ZNF589: variants seen among roughly 807,000 people sequenced by gnomAD.
The protein encoded by ZNF589 is KRAB-zinc finger protein SZF1-1.
In ZNF589, 17 loss-of-function variants were observed where a neutral mutation model predicts 13.6. That is an observed-to-expected ratio of 1.25 (90% confidence interval 0.86 to 1.88). ZNF589 has a LOEUF of 1.88. ZNF589 is among the 40% of genes most tolerant of loss of function. ZNF589 has a pLI of 0.00. For missense variants in ZNF589, 407 were observed against 434.0 expected (o/e 0.94, Z 0.55); for synonymous variants, 148 against 161.6 (o/e 0.92, Z 0.64).
chr3:48,255,333 G>A (rs1321421024), intron 2 of ZNF589, among the ~76,000 whole-genome samples: 1 of 151,468 alleles, frequency 6.6e-6, no homozygotes, highest in Non-Finnish European at 1.5e-5. Flanking sequence ...GCGCCACCAC[G>A]CCCAGCTAAT....
intron 2 of ZNF589, among the ~76,000 whole-genome samples, chr3:48,251,983 G>A (rs544070651): frequency 6.6e-6 from 1 of 151,776 alleles, no homozygotes; most frequent in African/African-American, 2.4e-5. Flanking sequence ...AGGCTGCAGT[G>A]AGCCATGTTC....
chr3:48,260,135 C>T (rs1280230068), intron 2 of ZNF589, among the ~76,000 whole-genome samples: 6 of 152,088 alleles, frequency 3.9e-5, no homozygotes, highest in African/African-American at 1.2e-4. Context: ...GATGAAAAAG[C>T]ATATGGTGTA....
Position 48,268,637 on chromosome 3 carries a change from A to C in ZNF589, c.946A>C (p.Lys316Gln), listed in dbSNP as rs776626921. 4.2e-5 allele frequency: 67 copies of C among 1,614,000 alleles called. No individual in the cohort carries two copies. Among genetic ancestry groups the C allele is most frequent in the Non-Finnish European group, 5.6e-5 (66 of 1,180,030 alleles). ...CSHCGRGFSC[K>Q]PYLIRHQRTH... ...CCATTGTGGGCGAGGCTTTAGCTGCAAGCCATACCTCATCAGACATCAGAG... is the reference window on the plus strand; with the variant it reads ...CCATTGTGGGCGAGGCTTTAGCTGCCAGCCATACCTCATCAGACATCAGAG... Residue 316 changes from lysine to glutamine, a missense_variant, in exon 4 of 4, where the codon AAG becomes CAG. Lys to Gln is a moderately conservative substitution (Grantham distance 53). Transcript: ENST00000354698.
intron 3 of ZNF589, among the ~76,000 whole-genome samples, chr3:48,263,262 A>G (rs2033985136): frequency 6.6e-6 from 1 of 152,050 alleles, no homozygotes; most frequent in South Asian, 2.1e-4. Flanking sequence ...GGCACGTGCC[A>G]CCACGCCCAG....
In ZNF589 at chr3:48,268,132, G is replaced by A. The variant is rs759622000; in HGVS notation, c.441G>A (p.Val147=). The change falls in exon 4 of 4, where the codon GTG becomes GTA. Residue 147 remains valine, a synonymous_variant. Transcript: ENST00000354698. ...HRGAEAEDQR[V]EGGVRPLFWS... is the part of the protein sequence containing the mutation. The stretch of plus-strand genomic sequence containing the variant: ...GGGCTGAAGCAGAAGATCAACGAGT[G>A]GAAGGAGGCGTCAGACCCTTGTTTT... 3.7e-6 allele frequency: 6 copies of A among 1,614,190 alleles called. No homozygotes were observed. Among genetic ancestry groups the A allele is most frequent in the East Asian group, 2.2e-5 (1 of 44,886 alleles).
intron 2 of ZNF589, chr3:48,257,107 C>T (rs1282614578): frequency 2.0e-5 from 9 of 444,176 alleles, no homozygotes; most frequent in African/African-American, 1.8e-4. Flanking sequence ...ATATATTGAT[C>T]TGTAGTTTTA....
Position 48,252,654 on chromosome 3 carries a change from C to T in ZNF589, c.96+4977C>T, listed in dbSNP as rs1424380072. ...TTTTTTTTTTTTTGAAACGGAGTCT[C>T]GCTGTCGCCCAGGCTGGAGTGCAGT... On this transcript the variant is annotated intron_variant, in intron 2 of 3. Transcript: ENST00000354698. Among the ~76,000 whole-genome samples the T allele has an allele frequency of 8.9e-5, 11 of 123,476 alleles. No homozygotes were observed. The South Asian group carries it at 1.0e-3, about 12-fold the overall frequency. The allele number at this position is 123,476 out of a possible 152,430, so 81.0% of individuals were successfully genotyped here.
At chr3:48,266,694 T>A (rs1039578258) in intron 3 of ZNF589, among the ~76,000 whole-genome samples, 2 of 152,200 alleles carry the variant, frequency 1.3e-5, no homozygotes, top group Non-Finnish European at 2.9e-5. Context: ...CATGATTAGA[T>A]TCAGATTATA....
chr3:48,253,476 A>G (rs1039391053), intron 2 of ZNF589, among the ~76,000 whole-genome samples: 3 of 151,084 alleles, frequency 2.0e-5, no homozygotes, highest in Non-Finnish European at 4.4e-5. Flanking sequence ...CACGTCTCCA[A>G]GGTAGTACTA....
rs1051423940 is a variant in ZNF589, at chr3:48,269,463, G to A, written c.*677G>A. Reference sequence around the variant, plus strand: ...CCTTATGTGTGTGGGGAATGTGGGCGGGGATTTGGCCGGAAGATACTCCTC... The same window carrying A: ...CCTTATGTGTGTGGGGAATGTGGGCAGGGATTTGGCCGGAAGATACTCCTC... On this transcript the variant is annotated 3_prime_UTR_variant, in exon 4 of 4. Transcript: ENST00000354698. 2 of 415,110 alleles carry A rather than the reference G, an allele frequency of 4.8e-6. No individual in the cohort carries two copies. The highest frequency in any genetic ancestry group is 3.5e-5 in the Admixed American group (1 of 28,524). The allele number at this position is 415,110 out of a possible 1,614,324, so 25.7% of individuals were successfully genotyped here.
intron 1 of ZNF589, among the ~76,000 whole-genome samples, chr3:48,246,306 A>G (rs1056101110): frequency 3.3e-5 from 5 of 152,000 alleles, no homozygotes; most frequent in Non-Finnish European, 4.4e-5. Context: ...CCCTATCTCA[A>G]TCAATCAATC....
intron 1 of ZNF589, among the ~76,000 whole-genome samples, chr3:48,245,745 G>A (rs1056798891): frequency 6.6e-6 from 1 of 152,186 alleles, no homozygotes; most frequent in Non-Finnish European, 1.5e-5. Context: ...TCAGGAGTTC[G>A]AGACCAGCCT....
At chr3:48,260,715 A>G (rs1345930747) in intron 2 of ZNF589, 98 bp from the exon 3 acceptor site, 1 of 1,566,848 alleles carries the variant, frequency 6.4e-7, no homozygotes, top group Non-Finnish European at 8.7e-7. Context: ...GGCCTAGATC[A>G]ATTTCTTATG....
intron 2 of ZNF589, among the ~76,000 whole-genome samples, chr3:48,249,956 C>T (rs1387322384): frequency 6.6e-6 from 1 of 152,028 alleles, no homozygotes; most frequent in Non-Finnish European, 1.5e-5. Context: ...GGTGAAAACC[C>T]ATCACTACTA....
Position 48,247,058 on chromosome 3 carries a change from C to T in ZNF589, c.44-567C>T, listed in dbSNP as rs550346559. On this transcript the variant is annotated intron_variant, in intron 1 of 3. Transcript: ENST00000354698. ...TGATCTCTGCTCACTGCAACCTTCG[C>T]CCCCTGGGTTCAAGCGATTCTCCTG... is the stretch of plus-strand genomic sequence containing the variant. Among the ~76,000 whole-genome samples, 3 of 152,140 alleles carry T rather than the reference C, an allele frequency of 2.0e-5. No homozygotes were observed. The South Asian group carries it at 6.2e-4, about 32-fold the overall frequency.
At chr3:48,257,691 A>G (rs887388106) in intron 2 of ZNF589, among the ~76,000 whole-genome samples, 1 of 151,790 alleles carries the variant, frequency 6.6e-6, no homozygotes, top group South Asian at 2.1e-4. Flanking sequence ...TAGTATTTTT[A>G]TATTTAAATT....
intron 2 of ZNF589, among the ~76,000 whole-genome samples, chr3:48,254,089 C>A (rs2033870615): frequency 6.6e-6 from 1 of 151,464 alleles, no homozygotes; most frequent in Non-Finnish European, 1.5e-5. Flanking sequence ...GACCTTATCT[C>A]TTAAAAAACA....
At chr3:48,257,356 T>C (rs1575294045) in intron 2 of ZNF589, among the ~76,000 whole-genome samples, 1 of 152,066 alleles carries the variant, frequency 6.6e-6, no homozygotes, top group African/African-American at 2.4e-5. Context: ...GCCTCCTGGG[T>C]TCAAGCGATT....
intron 2 of ZNF589, among the ~76,000 whole-genome samples, chr3:48,258,839 C>T (rs1200855462): frequency 6.6e-6 from 1 of 152,162 alleles, no homozygotes. Context: ...ATAGATTGGG[C>T]TCCTACTACA....
Sources: gnomAD v4.1 joint callset for allele counts (sites outside exome capture counted in the v4.1 genomes callset) on GRCh38, gnomAD v4.1.1 for gene constraint, MANE v1.5 for transcripts, NCBI Gene and HGNC (gene_info 2026-07-23, HGNC 2026-07-21) for gene names.